TENM3: variants seen among roughly 807,000 people sequenced by gnomAD.
TENM3 encodes the protein teneurin-3.
Under a neutral mutation model 255.1 loss-of-function variants are expected in TENM3, and 63 were observed. The observed-to-expected ratio is 0.25, with a 90% CI of 0.20 to 0.30. TENM3 has a LOEUF of 0.30. Among genes scored for constraint, TENM3 ranks in the 10% least tolerant of loss-of-function variants. The pLI, the probability that TENM3 is intolerant of heterozygous loss-of-function variation, is 1.00. For synonymous variants in TENM3, 1,306 were observed against 1,322.3 expected, an observed-to-expected ratio of 0.99 and a Z score of 0.27; for missense variants, 2,929 against 3,461.1, an observed-to-expected ratio of 0.85 and a Z score of 3.86.
chr4:182,472,559 C>T (rs1189693372), intron 3 of TENM3, among the ~76,000 whole-genome samples: 1 of 152,146 alleles, frequency 6.6e-6, no homozygotes, highest in East Asian at 1.9e-4. Flanking sequence ...TAGTGATCTT[C>T]AAACTTTTTG....
At chr4:182,194,606 T>C (rs1241101035) in intron 1 of TENM3, among the ~76,000 whole-genome samples, 1 of 152,202 alleles carries the variant, frequency 6.6e-6, no homozygotes, top group Non-Finnish European at 1.5e-5. Context: ...TATGTGATCT[T>C]TTTTTAACTC....
rs181684531 is a variant in TENM3 at position 182,176,944 on chromosome 4, G to A, written c.-76+32190G>A. ...CCTGCCTTGGCCTCCCAAAATGCTG[G>A]AATTACAGGCATGAGCCACCTGTAC... On this transcript the variant is annotated intron_variant, in intron 1 of 2. Transcript: ENST00000512480. Among the ~76,000 whole-genome samples the A allele has an allele frequency of 6.6e-5, 10 of 150,864 alleles. 1 individual carries two copies. Among genetic ancestry groups the A allele is most frequent in the African/African-American group, 2.4e-4 (10 of 41,008 alleles).
the TENM3 span, among the ~76,000 whole-genome samples, chr4:182,100,660 C>CACAT: frequency 1.1e-5 from 1 of 93,158 alleles, no homozygotes; most frequent in East Asian, 2.9e-4. Flanking sequence ...CATATATACA[C>CACAT]ATATATACAC....
intron 3 of TENM3, among the ~76,000 whole-genome samples, chr4:182,548,424 A>G (rs1741666287): frequency 6.6e-6 from 1 of 152,120 alleles, no homozygotes; most frequent in Non-Finnish European, 1.5e-5. Flanking sequence ...CCAGACTCTT[A>G]ACTCCAACAC....
intron 3 of TENM3, among the ~76,000 whole-genome samples, chr4:182,452,873 G>A (rs1642802109): frequency 1.3e-5 from 2 of 152,140 alleles, no homozygotes; most frequent in South Asian, 4.1e-4. Flanking sequence ...GAGATGAAAA[G>A]TTATTCTAAT....
At chr4:182,421,493 G>A (rs1267180307) in intron 3 of TENM3, among the ~76,000 whole-genome samples, 1 of 152,004 alleles carries the variant, frequency 6.6e-6, no homozygotes, top group Non-Finnish European at 1.5e-5. Context: ...CCCCTTTGTT[G>A]CTCAGAAATA....
chr4:181,627,750 G>T, the TENM3 span, among the ~76,000 whole-genome samples: 5 of 152,162 alleles, frequency 3.3e-5, no homozygotes, highest in Non-Finnish European at 5.9e-5. Flanking sequence ...GGACATTTGG[G>T]TTGGTTCCAA....
the TENM3 span, among the ~76,000 whole-genome samples, chr4:181,712,230 A>T: frequency 6.6e-6 from 1 of 152,040 alleles, no homozygotes; most frequent in African/African-American, 2.4e-5. Flanking sequence ...TTCCCACCCA[A>T]ATCTCATGTT....
At chr4:182,420,945 G>A (rs562133136) in intron 3 of TENM3, among the ~76,000 whole-genome samples, 1 of 152,026 alleles carries the variant, frequency 6.6e-6, no homozygotes, top group African/African-American at 2.4e-5. Flanking sequence ...ACATTATCCT[G>A]ATAGCTAAGA....
chr4:182,198,843 G>A (rs1487071966), intron 1 of TENM3, among the ~76,000 whole-genome samples: 1 of 152,164 alleles, frequency 6.6e-6, no homozygotes, highest in Non-Finnish European at 1.5e-5. Flanking sequence ...GAGACATTTT[G>A]TAAAGACACA....
the TENM3 span, among the ~76,000 whole-genome samples, chr4:181,688,774 T>C: frequency 1.3e-5 from 2 of 152,082 alleles, no homozygotes; most frequent in Non-Finnish European, 2.9e-5. Context: ...ACAGTCGGGG[T>C]TTAAGTGCAT....
chr4:182,270,800 G>A (rs1254245843), intron 1 of TENM3, among the ~76,000 whole-genome samples: 1 of 152,154 alleles, frequency 6.6e-6, no homozygotes, highest in Non-Finnish European at 1.5e-5. Flanking sequence ...TAAAGATGGA[G>A]AATCTATAGT....
the TENM3 span, among the ~76,000 whole-genome samples, chr4:181,543,818 C>T: frequency 2.6e-5 from 4 of 152,140 alleles, no homozygotes; most frequent in East Asian, 1.9e-4. Flanking sequence ...TAACTACATA[C>T]GTTCCTTCTT....
Position 182,773,613 on chromosome 4 carries a change from G to A in TENM3, c.5034G>A (p.Leu1678=). The part of the protein sequence containing the change: ...REEDVSITSN[L]SSIDSFYTMV... Reference sequence around the variant, plus strand: ...AAGATGTCAGCATCACTTCAAATCTGTCCTCGATCGATTCTTTCTACACCA... The same window carrying A: ...AAGATGTCAGCATCACTTCAAATCTATCCTCGATCGATTCTTTCTACACCA... The change falls in exon 23 of 28, where the codon CTG becomes CTA. Residue 1678 remains leucine (L), a synonymous_variant. Coordinates refer to ENST00000511685, the MANE Select transcript of TENM3 (RefSeq NM_001080477.4). 6.2e-7 allele frequency: 1 copy of A among 1,613,092 alleles called. No individual in the cohort carries two copies. The highest frequency in any genetic ancestry group is 8.5e-7 in the Non-Finnish European group (1 of 1,179,546).
At chr4:181,544,717 G>T in the TENM3 span, among the ~76,000 whole-genome samples, 32 of 152,174 alleles carry the variant, frequency 2.1e-4, no homozygotes, top group Non-Finnish European at 3.7e-4. Flanking sequence ...GCCACCATAG[G>T]ATTCCATTCA....
intron 3 of TENM3, among the ~76,000 whole-genome samples, chr4:182,594,698 G>C (rs1747023299): frequency 1.2e-5 from 1 of 85,128 alleles, no homozygotes; most frequent in Admixed American, 1.2e-4. Flanking sequence ...GTGTGTGTGT[G>C]TGTGTGTGTG....
the TENM3 span, among the ~76,000 whole-genome samples, chr4:181,730,096 A>G: frequency 3.3e-3 from 495 of 152,282 alleles, 3 homozygotes; most frequent in African/African-American, 0.011. Flanking sequence ...CGTATCACAC[A>G]ATAGTCATAC....
intron 3 of TENM3, among the ~76,000 whole-genome samples, chr4:182,354,596 A>C: frequency 6.6e-6 from 1 of 152,326 alleles, no homozygotes. Context: ...TTAACATTAC[A>C]TACACATATA....
intron 3 of TENM3, among the ~76,000 whole-genome samples, chr4:182,572,523 G>A (rs571134847): frequency 6.6e-6 from 1 of 152,298 alleles, no homozygotes; most frequent in East Asian, 1.9e-4. Flanking sequence ...CAGTAGCCTT[G>A]AAGAATTCCA....
Sources: gnomAD v4.1 joint callset for allele counts (sites outside exome capture counted in the v4.1 genomes callset) on GRCh38, gnomAD v4.1.1 for gene constraint, MANE v1.5 for transcripts, NCBI Gene and HGNC (gene_info 2026-07-23, HGNC 2026-07-21) for gene names.